The following CTNNA3 variants were observed in gnomAD, a reference collection of about 807,000 sequenced individuals.
CTNNA3 encodes the protein catenin alpha-3.
A neutral mutation model predicts 95.7 loss-of-function variants in CTNNA3; 76 were observed. That is an observed-to-expected ratio of 0.79 (90% CI 0.66 to 0.96). CTNNA3 has a LOEUF of 0.96. CTNNA3 is among the 40% of genes least tolerant of loss of function. CTNNA3 has a pLI of 0.00. For missense variants in CTNNA3, 1,191 were observed against 1,089.8 expected, an observed-to-expected ratio of 1.09 and a Z score of -1.31; for synonymous variants, 431 against 374.4, an observed-to-expected ratio of 1.15 and a Z score of -1.74.
chr10:66,895,968 A>G (rs981276967), intron 7 of CTNNA3, among the ~76,000 whole-genome samples: 2 of 151,574 alleles, frequency 1.3e-5, no homozygotes, highest in Non-Finnish European at 2.9e-5. Context: ...ATGGTGGCAC[A>G]TGCCTGTAAT....
chr10:66,916,067 A>G (rs1214172824), intron 7 of CTNNA3, among the ~76,000 whole-genome samples: 3 of 152,122 alleles, frequency 2.0e-5, no homozygotes, highest in Non-Finnish European at 4.4e-5. Flanking sequence ...ATATTTTTAA[A>G]TGTTGGGACA....
intron 5 of CTNNA3, chr10:67,403,446 C>G (rs965811855): frequency 6.6e-6 from 1 of 152,436 alleles, no homozygotes; most frequent in African/African-American, 2.4e-5. Context: ...AAGGTGTGGC[C>G]AGACTGCTTC....
chr10:67,231,398 A>C (rs1305941611), intron 5 of CTNNA3, among the ~76,000 whole-genome samples: 1 of 152,126 alleles, frequency 6.6e-6, no homozygotes, highest in Non-Finnish European at 1.5e-5. Flanking sequence ...CTGGGAGGCA[A>C]CCCCTAGCAG....
intron 6 of CTNNA3, among the ~76,000 whole-genome samples, chr10:67,216,146 G>A (rs1341230870): frequency 6.6e-6 from 1 of 152,044 alleles, no homozygotes; most frequent in East Asian, 1.9e-4. Context: ...CAGAGATCCT[G>A]TTTTCTCCTA....
At chr10:67,454,721 A>G (rs12257968) in intron 5 of CTNNA3, among the ~76,000 whole-genome samples, 12,921 of 152,196 alleles carry the variant, frequency 0.085, 652 homozygotes, top group South Asian at 0.16. Flanking sequence ...CTACCAATGG[A>G]ATCAATGTAT....
At chr10:67,197,275 A>G (rs1188052298) in intron 6 of CTNNA3, among the ~76,000 whole-genome samples, 1 of 152,134 alleles carries the variant, frequency 6.6e-6, no homozygotes, top group East Asian at 1.9e-4. Context: ...CAATTCATCG[A>G]CAAAGAAGAA....
intron 9 of CTNNA3, among the ~76,000 whole-genome samples, chr10:66,655,429 T>C (rs1444415655): frequency 1.3e-5 from 2 of 151,996 alleles, no homozygotes; most frequent in Admixed American, 1.3e-4. Flanking sequence ...GAGAGAAAGA[T>C]GGTGATGCTA....
chr10:67,379,881 C>A (rs944363898), intron 5 of CTNNA3, among the ~76,000 whole-genome samples: 1 of 151,492 alleles, frequency 6.6e-6, no homozygotes, highest in Non-Finnish European at 1.5e-5. Flanking sequence ...ATTAGCCGGG[C>A]GTAGTGGCGG....
intron 9 of CTNNA3, among the ~76,000 whole-genome samples, chr10:66,694,707 C>T (rs1185751750): frequency 6.6e-6 from 1 of 152,136 alleles, no homozygotes; most frequent in Admixed American, 6.6e-5. Flanking sequence ...CATAATTTGC[C>T]TCTGCCATCA....
chr10:66,045,118 C>A (rs534641858), intron 15 of CTNNA3, among the ~76,000 whole-genome samples: 74 of 152,288 alleles, frequency 4.9e-4, no homozygotes, highest in African/African-American at 1.8e-3. Flanking sequence ...CAGAGATAAT[C>A]TGATGGGAGG....
intron 11 of CTNNA3, among the ~76,000 whole-genome samples, chr10:66,383,508 T>C (rs576985707): frequency 5.3e-5 from 8 of 152,286 alleles, no homozygotes; most frequent in African/African-American, 1.9e-4. Flanking sequence ...TGGAACCCAG[T>C]TGGAAAACAC....
At chr10:66,524,265 G>A (rs1185676814) in intron 10 of CTNNA3, among the ~76,000 whole-genome samples, 2 of 39,410 alleles carry the variant, frequency 5.1e-5, no homozygotes, top group Admixed American at 3.0e-4. Context: ...GTCTATTCCT[G>A]GGTAATGAGC....
At chr10:67,740,197 T>C (rs1056658638) in intron 1 of CTNNA3, among the ~76,000 whole-genome samples, 2 of 152,038 alleles carry the variant, frequency 1.3e-5, no homozygotes, top group African/African-American at 4.8e-5. Flanking sequence ...CCTAAAACCA[T>C]AAAAACCCTA....
intron 13 of CTNNA3, among the ~76,000 whole-genome samples, chr10:66,186,303 T>TGA (rs1554882883): frequency 3.0e-4 from 45 of 149,492 alleles, no homozygotes; most frequent in Admixed American, 8.0e-4. Flanking sequence ...TGTGTGTGTG[T>TGA]GAGAGATAGA....
chr10:67,056,371 A>G (rs533387181), intron 7 of CTNNA3, among the ~76,000 whole-genome samples: 1 of 152,266 alleles, frequency 6.6e-6, no homozygotes, highest in East Asian at 1.9e-4. Context: ...AGTCTTCCCA[A>G]TGTAGGACTG....
At chr10:66,832,669 C>T (rs1484208818) in intron 7 of CTNNA3, among the ~76,000 whole-genome samples, 1 of 150,786 alleles carries the variant, frequency 6.6e-6, no homozygotes, top group Non-Finnish European at 1.5e-5. Flanking sequence ...TTTTTATGAC[C>T]CAACTCAAAG....
chr10:67,345,793 C>T (rs2132627980), intron 5 of CTNNA3, among the ~76,000 whole-genome samples: 1 of 152,086 alleles, frequency 6.6e-6, no homozygotes, highest in South Asian at 2.1e-4. Flanking sequence ...CACTCAATGT[C>T]TTTCGATTGG....
intron 5 of CTNNA3, among the ~76,000 whole-genome samples, chr10:67,415,537 T>C (rs12770926): frequency 6.6e-6 from 1 of 152,192 alleles, no homozygotes; most frequent in Non-Finnish European, 1.5e-5. Flanking sequence ...TACTCATGAA[T>C]TGAAAGAATC....
At chr10:66,489,686 G>A (rs1469017656) in intron 11 of CTNNA3, among the ~76,000 whole-genome samples, 1 of 152,048 alleles carries the variant, frequency 6.6e-6, no homozygotes, top group Admixed American at 6.5e-5. Context: ...GAGGCTTTAG[G>A]TATACTTATC....
Sources: gnomAD v4.1 joint callset for allele counts (sites outside exome capture counted in the v4.1 genomes callset) on GRCh38, gnomAD v4.1.1 for gene constraint, MANE v1.5 for transcripts, NCBI Gene and HGNC (gene_info 2026-07-23, HGNC 2026-07-21) for gene names.